The following NFIA variants were observed in gnomAD, a reference collection of about 807,000 sequenced individuals.
NFIA encodes nuclear factor 1 A-type.
A neutral mutation model predicts 62.8 loss-of-function variants in NFIA; 8 were observed. The observed-to-expected ratio is 0.13, with a 90% CI of 0.07 to 0.23. NFIA has a LOEUF of 0.23. Ranked by LOEUF, NFIA falls within the 10% of genes least tolerant of loss-of-function variation. The probability of loss-of-function intolerance (pLI) is 1.00; values close to 1 mark genes in which losing one functional copy is unlikely to be tolerated. For synonymous variants in NFIA, 235 were observed against 238.1 expected, an observed-to-expected ratio of 0.99 and a Z score of 0.12; for missense variants, 410 against 642.1, an observed-to-expected ratio of 0.64 and a Z score of 3.91.
At chr1:61,112,017 T>A (rs1158147256) in intron 2 of NFIA, among the ~76,000 whole-genome samples, 1 of 152,076 alleles carries the variant, frequency 6.6e-6, no homozygotes, top group Non-Finnish European at 1.5e-5. Context: ...ACAAGCATAA[T>A]TTAAGTTACA....
At chr1:61,143,857 A>C (rs334726) in intron 2 of NFIA, among the ~76,000 whole-genome samples, 140,981 of 152,172 alleles carry the variant, frequency 0.93, 65,481 homozygotes, top group Middle Eastern at 0.97. Context: ...TGTTAACAGT[A>C]CCCATACGTT....
intron 2 of NFIA, among the ~76,000 whole-genome samples, chr1:61,188,415 A>G (rs17096997): frequency 1.3e-5 from 2 of 152,184 alleles, no homozygotes; most frequent in Admixed American, 1.3e-4. Context: ...CTGGGAACCA[A>G]TAACAAGATG....
intron 3 of NFIA, 73 bp downstream of exon 3, chr1:61,277,658 A>G: frequency 6.7e-7 from 1 of 1,489,146 alleles, no homozygotes; most frequent in Non-Finnish European, 9.4e-7. Flanking sequence ...AAGTGTGAGG[A>G]TTTGGGGGCC....
rs61770547 is a variant in NFIA, at chr1:61,406,528, G to T, written c.1255-34G>T. ...TTGCTGTCTCTTTCTTCTTTTTCTT[G>T]TACGTGTGTTTTCTGCCCCCCCCCC... On this transcript the variant is annotated intron_variant, in intron 8 of 10. Transcript: ENST00000403491. The T allele has an allele frequency of 1.5e-4, 226 of 1,485,272 alleles. 3 individuals are homozygous for T. Among genetic ancestry groups the T allele is most frequent in the Non-Finnish European group, 1.9e-4 (209 of 1,097,262 alleles). 92.0% of individuals were successfully genotyped at this position (1,485,272 alleles called of 1,614,324 possible).
chr1:61,290,242 T>C (rs1658790532), intron 3 of NFIA, among the ~76,000 whole-genome samples: 2 of 152,164 alleles, frequency 1.3e-5, no homozygotes, highest in African/African-American at 4.8e-5. Flanking sequence ...CCATTATGTT[T>C]GTTAGATGGC....
Position 61,455,878 on chromosome 1 carries a change from A to G in NFIA, c.*558A>G, listed in dbSNP as rs1055816098. 6.5e-5 allele frequency: 10 copies of G among 153,420 alleles called. No homozygotes were observed. The Middle Eastern group carries it at 0.014, about 209-fold the overall frequency. 9.5% of individuals were successfully genotyped at this position (153,420 alleles called of 1,614,324 possible). ...GAAAATGCAGTTATATTCCTTTTTT[A>G]TTTGTTCCTTTAGTTTGTTTTGGTT... On this transcript the variant is annotated 3_prime_UTR_variant, in exon 11 of 11. Coordinates refer to ENST00000403491, the MANE Select transcript of NFIA (RefSeq NM_001134673.4).
At chr1:61,131,078 C>G (rs1647064163) in intron 2 of NFIA, among the ~76,000 whole-genome samples, 1 of 151,718 alleles carries the variant, frequency 6.6e-6, no homozygotes, top group South Asian at 2.1e-4. Flanking sequence ...TAAATGAAAT[C>G]TTCACACGAA....
intron 3 of NFIA, among the ~76,000 whole-genome samples, chr1:61,288,482 C>T (rs1658651721): frequency 6.6e-6 from 1 of 152,058 alleles, no homozygotes; most frequent in Non-Finnish European, 1.5e-5. Flanking sequence ...TCAAGGAAAA[C>T]AATTTTGGAA....
At chr1:61,237,837 T>C (rs1655096618) in intron 2 of NFIA, among the ~76,000 whole-genome samples, 1 of 152,218 alleles carries the variant, frequency 6.6e-6, no homozygotes, top group Admixed American at 6.5e-5. Context: ...GTGGGGAATA[T>C]GAGACTTAAT....
intron 2 of NFIA, among the ~76,000 whole-genome samples, chr1:61,232,876 G>T (rs1408432841): frequency 6.6e-6 from 1 of 151,830 alleles, no homozygotes; most frequent in Non-Finnish European, 1.5e-5. Flanking sequence ...TTATTTTTCT[G>T]AACTCTTGCT....
intron 7 of NFIA, among the ~76,000 whole-genome samples, chr1:61,387,468 C>CTTTTTTTTTTTTTT (rs33965994): frequency 1.0e-5 from 1 of 95,486 alleles, no homozygotes; most frequent in African/African-American, 4.1e-5. Context: ...CAAGCACTTT[C>CTTTTTTTTTTTTTT]TTTTTTTTTT....
rs1030675837 is a variant in NFIA at position 61,288,170 on chromosome 1, A to G, written c.625+10585A>G. Among the ~76,000 whole-genome samples, 5 of 152,208 alleles carry G rather than the reference A, an allele frequency of 3.3e-5. No homozygotes were observed. The East Asian group carries it at 5.8e-4, about 18-fold the overall frequency. Reference sequence around the variant, plus strand: ...AGCCACTGCGACACTGTGTGAGCCCATACATCCAGTTACTGGCAGACCATT... The same window carrying G: ...AGCCACTGCGACACTGTGTGAGCCCGTACATCCAGTTACTGGCAGACCATT... On this transcript the variant is annotated intron_variant, in intron 3 of 10. Coordinates refer to ENST00000403491, the MANE Select transcript of NFIA (RefSeq NM_001134673.4).
In NFIA at chr1:61,454,902, C is replaced by G. The variant is rs1485073655; in HGVS notation, c.1513-401C>G. On this transcript the variant is annotated intron_variant, in intron 10 of 10. Coordinates refer to ENST00000403491, the MANE Select transcript of NFIA (RefSeq NM_001134673.4). ...TCCCTTTACCCATTCTCCATTCATTCAACTCTTCTTCATTAAGAACGTTCT... is the reference window on the plus strand; with the variant it reads ...TCCCTTTACCCATTCTCCATTCATTGAACTCTTCTTCATTAAGAACGTTCT... 3.9e-5 allele frequency among the ~76,000 whole-genome samples: 6 copies of G among 152,188 alleles called. No individual in the cohort carries two copies. In the East Asian group the frequency reaches 1.2e-3, roughly 29 times the overall value.
In NFIA at chr1:61,455,489, C is replaced by T; in HGVS notation, c.*169C>T. 1 of 1,046,378 alleles carries T rather than the reference C, an allele frequency of 9.6e-7. No homozygotes were observed. Among genetic ancestry groups the T allele is most frequent in the South Asian group, 1.5e-5 (1 of 67,702 alleles). 64.8% of individuals were successfully genotyped at this position (1,046,378 alleles called of 1,614,324 possible). A position where few individuals can be genotyped will look rare whatever the true frequency, so the allele number is the denominator to read the frequency against. On this transcript the variant is annotated 3_prime_UTR_variant, in exon 11 of 11. Coordinates refer to ENST00000403491, the MANE Select transcript of NFIA (RefSeq NM_001134673.4). ...GGAAACAGCAAGCATTATGGTCAAA[C>T]AGCAAAGGCCATAACCTTTTGGGAT...
intron 2 of NFIA, among the ~76,000 whole-genome samples, chr1:61,208,864 C>G (rs1653061178): frequency 6.6e-6 from 1 of 152,092 alleles, no homozygotes; most frequent in Non-Finnish European, 1.5e-5. Context: ...AAAAAGGGCT[C>G]AGACGTGATT....
chr1:61,135,455 G>A (rs1163363446), intron 2 of NFIA, among the ~76,000 whole-genome samples: 1 of 152,112 alleles, frequency 6.6e-6, no homozygotes, highest in Non-Finnish European at 1.5e-5. Flanking sequence ...TGCACAGGCT[G>A]GAGTGCAGTG....
chr1:61,083,378 C>A (rs563354636), intron 1 of NFIA, among the ~76,000 whole-genome samples: 2 of 152,130 alleles, frequency 1.3e-5, no homozygotes, highest in African/African-American at 4.8e-5. Context: ...CTGCCGCAGC[C>A]CCCCGCCGTC....
At chr1:61,147,389 G>A (rs1648088275) in intron 2 of NFIA, among the ~76,000 whole-genome samples, 1 of 152,188 alleles carries the variant, frequency 6.6e-6, no homozygotes, top group Non-Finnish European at 1.5e-5. Flanking sequence ...GACCTCAAGT[G>A]ATCTGCCCGC....
chr1:61,322,851 C>G (rs150235961), intron 3 of NFIA, among the ~76,000 whole-genome samples: 4 of 152,260 alleles, frequency 2.6e-5, no homozygotes, highest in Non-Finnish European at 4.4e-5. Flanking sequence ...GTTATTTTAC[C>G]TGTTGCATCC....
Sources: allele counts gnomAD v4.1 joint callset (sites outside exome capture counted in the v4.1 genomes callset), GRCh38; gene constraint gnomAD v4.1.1; transcripts MANE v1.5; gene names NCBI Gene and HGNC (gene_info 2026-07-23, HGNC 2026-07-21).